Variants in CDH18 observed in about 807,000 individuals in gnomAD.
CDH18 encodes cadherin 18.
In CDH18, 31 loss-of-function variants were observed where a neutral mutation model predicts 67.9. That is an observed-to-expected ratio of 0.46 (90% CI 0.34 to 0.62). The LOEUF (loss-of-function observed/expected upper bound fraction) is 0.62. CDH18 is among the 20% of genes least tolerant of loss of function. The pLI, the probability that CDH18 is intolerant of heterozygous loss-of-function variation, is 0.01. For missense variants in CDH18, 890 were observed against 975.5 expected, an observed-to-expected ratio of 0.91 and a Z score of 1.17; for synonymous variants, 362 against 347.2, an observed-to-expected ratio of 1.04 and a Z score of -0.48.
chr5:20,541,684 T>C (rs921235166), intron 1 of CDH18, among the ~76,000 whole-genome samples: 1 of 152,114 alleles, frequency 6.6e-6, no homozygotes, highest in African/African-American at 2.4e-5. Flanking sequence ...TCTCTCTAAA[T>C]AAAATAAGTA....
At chr5:20,117,587 A>G (rs759138018) in intron 2 of CDH18, among the ~76,000 whole-genome samples, 1 of 152,178 alleles carries the variant, frequency 6.6e-6, no homozygotes, top group Non-Finnish European at 1.5e-5. Context: ...TTGGGTTATA[A>G]ACAATATTTA....
chr5:19,991,322 T>C (rs888251260), upstream of CDH18, among the ~76,000 whole-genome samples: 12 of 152,316 alleles, frequency 7.9e-5, no homozygotes, highest in East Asian at 2.1e-3. Flanking sequence ...AACAGCTTTA[T>C]TGAGATATCA....
intron 4 of CDH18, among the ~76,000 whole-genome samples, chr5:19,728,223 G>T (rs1202465693): frequency 6.6e-6 from 1 of 152,144 alleles, no homozygotes; most frequent in Admixed American, 6.5e-5. Flanking sequence ...CCCAATTAAA[G>T]AAAAATCTTT....
intron 2 of CDH18, among the ~76,000 whole-genome samples, chr5:19,912,875 G>A (rs1159931916): frequency 6.6e-6 from 1 of 152,092 alleles, no homozygotes; most frequent in Non-Finnish European, 1.5e-5. Context: ...AGCAAAGATA[G>A]GACACTGAGG....
intron 2 of CDH18, among the ~76,000 whole-genome samples, chr5:19,907,331 G>A (rs951409905): frequency 1.3e-5 from 2 of 151,886 alleles, no homozygotes; most frequent in African/African-American, 4.8e-5. Context: ...TGGATTTGGG[G>A]TTTTGTTTTT....
At chr5:20,426,696 C>T (rs1451677738) in intron 1 of CDH18, among the ~76,000 whole-genome samples, 2 of 151,078 alleles carry the variant, frequency 1.3e-5, no homozygotes, top group East Asian at 3.9e-4. Flanking sequence ...ATTGCTTCAA[C>T]TCCCAGTAGG....
intron 1 of CDH18, among the ~76,000 whole-genome samples, chr5:20,498,615 TATA>T (rs767758163): frequency 1.4e-4 from 21 of 152,124 alleles, no homozygotes; most frequent in African/African-American, 3.1e-4. Flanking sequence ...ACTATATAAA[TATA>T]ATGTTAAAAT....
chr5:19,744,694 T>C (rs1370111699), intron 4 of CDH18, among the ~76,000 whole-genome samples: 1 of 152,206 alleles, frequency 6.6e-6, no homozygotes, highest in Non-Finnish European at 1.5e-5. Flanking sequence ...AGCTGATGGA[T>C]CATATTTGTC....
chr5:19,970,512 G>A (rs1324264775), intron 2 of CDH18, among the ~76,000 whole-genome samples: 3 of 151,074 alleles, frequency 2.0e-5, no homozygotes, highest in African/African-American at 7.3e-5. Flanking sequence ...TAGGTAAATT[G>A]GTATATTATA....
chr5:19,685,536 G>A (rs1407092844), intron 5 of CDH18, among the ~76,000 whole-genome samples: 1 of 152,136 alleles, frequency 6.6e-6, no homozygotes, highest in Admixed American at 6.6e-5. Flanking sequence ...CTGATGTGTG[G>A]GAAAATATTA....
At chr5:19,590,604 A>C (rs114281137) in intron 7 of CDH18, among the ~76,000 whole-genome samples, 2,455 of 152,210 alleles carry the variant, frequency 0.016, 59 homozygotes, top group African/African-American at 0.055. Flanking sequence ...TGTTATCTAA[A>C]TAGTTCTACT....
intron 3 of CDH18, 107 bp downstream of exon 3, chr5:19,838,652 A>G (rs185208425): frequency 2.9e-6 from 2 of 693,820 alleles, no homozygotes; most frequent in African/African-American, 1.8e-5. Flanking sequence ...ACTCTACAAC[A>G]TAATTTGCTT....
At chr5:20,167,174 A>C (rs1240189128) in intron 2 of CDH18, among the ~76,000 whole-genome samples, 1 of 152,192 alleles carries the variant, frequency 6.6e-6, no homozygotes, top group Non-Finnish European at 1.5e-5. Context: ...AGGAATATAC[A>C]CTTCTAGTCA....
intron 1 of CDH18, among the ~76,000 whole-genome samples, chr5:20,455,404 A>G (rs1750769033): frequency 6.6e-6 from 1 of 152,136 alleles, no homozygotes; most frequent in African/African-American, 2.4e-5. Context: ...CTATTGCAAC[A>G]GACAGATTAG....
At chr5:20,431,487 C>CAAAAAAAAAA (rs560015111) in intron 1 of CDH18, among the ~76,000 whole-genome samples, 1 of 66,210 alleles carries the variant, frequency 1.5e-5, no homozygotes, top group Non-Finnish European at 3.0e-5. Context: ...GAGTGAAACT[C>CAAAAAAAAAA]AAAAAAAAAA....
intron 12 of CDH18, among the ~76,000 whole-genome samples, chr5:19,474,245 C>A (rs1164422763): frequency 1.3e-5 from 2 of 152,002 alleles, no homozygotes; most frequent in East Asian, 3.9e-4. Flanking sequence ...ATGTTGATCT[C>A]TTTTGTCAAT....
At chr5:20,073,973 C>T (rs1743705695) in intron 2 of CDH18, among the ~76,000 whole-genome samples, 1 of 151,898 alleles carries the variant, frequency 6.6e-6, no homozygotes, top group African/African-American at 2.4e-5. Flanking sequence ...TTTGAAGGTC[C>T]TAGTTTTTGA....
chr5:19,518,148 G>GA, intron 10 of CDH18, among the ~76,000 whole-genome samples: 1 of 151,758 alleles, frequency 6.6e-6, no homozygotes, highest in Non-Finnish European at 1.5e-5. Context: ...TCAGTGCATA[G>GA]AAAAATATTT....
At chr5:19,889,344 T>C (rs989334713) in intron 2 of CDH18, among the ~76,000 whole-genome samples, 3 of 152,096 alleles carry the variant, frequency 2.0e-5, no homozygotes, top group Admixed American at 6.6e-5. Context: ...GTGTAATTTT[T>C]CTCCAACATC....
Sources: gnomAD v4.1 joint callset for allele counts (sites outside exome capture counted in the v4.1 genomes callset) on GRCh38, gnomAD v4.1.1 for gene constraint, MANE v1.5 for transcripts, NCBI Gene and HGNC (gene_info 2026-07-23, HGNC 2026-07-21) for gene names.